The following ANO2 variants were observed in gnomAD, a reference collection of about 807,000 sequenced individuals.
ANO2 encodes the protein anoctamin-2.
A neutral mutation model predicts 124.2 loss-of-function variants in ANO2; 101 were observed. The observed-to-expected ratio is 0.81, with a 90% CI of 0.69 to 0.96. The LOEUF is 0.96. Among genes scored for constraint, ANO2 ranks in the 40% least tolerant of loss-of-function variants. The pLI is 0.00. For synonymous variants in ANO2, 486 were observed against 482.5 expected, an observed-to-expected ratio of 1.01 and a Z score of -0.09; for missense variants, 1,293 against 1,274.5, an observed-to-expected ratio of 1.01 and a Z score of -0.22.
rs143239619 is a variant in ANO2 at position 5,903,647 on chromosome 12, A to ATGTGTGTGTGTGTG, written c.534+17379_534+17392dup. 2.7e-3 allele frequency among the ~76,000 whole-genome samples: 394 copies of ATGTGTGTGTGTGTG among 148,542 alleles called. 5 individuals are homozygous for ATGTGTGTGTGTGTG. The highest frequency in any genetic ancestry group is 8.7e-3 in the African/African-American group (348 of 40,048). On this transcript the variant is annotated intron_variant, in intron 3 of 24. Coordinates refer to ENST00000682330, the MANE Select transcript of ANO2 (RefSeq NM_001364791.2). ...AGTAAGACAGCTAGGATGTGCAAAG[A>ATGTGTGTGTGTGTG]TGTGTGTGTGTGTGTGTGTGTGTGT...
At position 5,832,692 on chromosome 12, in the gene ANO2, T is replaced by C. The variant is rs563103041; in HGVS notation, c.634-89A>G. 723 of 1,378,812 alleles carry C rather than the reference T, an allele frequency of 5.2e-4. 1 individual carries two copies. The highest frequency in any genetic ancestry group is 8.0e-4 in the Admixed American group (34 of 42,620). The allele number at this position is 1,378,812 out of a possible 1,614,324, so 85.4% of individuals were successfully genotyped here. ...CAAAAAAAAGCTGCATGGACACAGA[T>C]TCCCAGAGGTGAACATTGGAGAGAG... On this transcript the variant is annotated intron_variant, in intron 4 of 24. Transcript: ENST00000682330.
intron 14 of ANO2, 24 bp downstream of exon 14, chr12:5,732,496 T>A: frequency 6.3e-7 from 1 of 1,589,436 alleles, no homozygotes; most frequent in Non-Finnish European, 8.6e-7. Context: ...AAGAGGACCG[T>A]GAGCAGCAAG....
intron 1 of ANO2, among the ~76,000 whole-genome samples, chr12:5,934,878 C>A (rs1942582407): frequency 6.6e-6 from 1 of 152,096 alleles, no homozygotes; most frequent in Non-Finnish European, 1.5e-5. Context: ...TCTCATCTCT[C>A]CAAAGTAGGA....
intron 23 of ANO2, among the ~76,000 whole-genome samples, chr12:5,573,405 G>A (rs1398997842): frequency 6.6e-6 from 1 of 152,232 alleles, no homozygotes; most frequent in Admixed American, 6.5e-5. Context: ...CACACGACAA[G>A]TCACACTGGT....
chr12:5,589,882 A>G (rs10492184), intron 20 of ANO2, among the ~76,000 whole-genome samples: 28,157 of 151,934 alleles, frequency 0.19, 3,214 homozygotes, highest in East Asian at 0.33. Flanking sequence ...GGATTAAATA[A>G]ACGAGAAGGA....
At position 5,906,362 on chromosome 12, in the gene ANO2, AAGAAAAAG is replaced by A. The variant is rs1358364029; in HGVS notation, c.534+14670_534+14677del. On this transcript the variant is annotated intron_variant, in intron 3 of 24. Coordinates refer to ENST00000682330, the MANE Select transcript of ANO2 (RefSeq NM_001364791.2). ...CACACATTGTTAAAAAAAAAAAAAA[AAGAAAAAG>A]AAAAAAAGAGGCCATCCATGGTGAC... 5.5e-4 allele frequency among the ~76,000 whole-genome samples: 82 copies of A among 149,106 alleles called. 1 individual carries two copies. Among genetic ancestry groups the A allele is most frequent in the African/African-American group, 2.0e-3 (79 of 39,224 alleles).
intron 4 of ANO2, among the ~76,000 whole-genome samples, chr12:5,848,462 A>G (rs890580250): frequency 2.6e-5 from 4 of 151,960 alleles, no homozygotes; most frequent in Non-Finnish European, 5.9e-5. Flanking sequence ...AGACTAAGAC[A>G]TGAATCAAGT....
intron 14 of ANO2, among the ~76,000 whole-genome samples, chr12:5,669,101 A>C (rs1947870090): frequency 6.6e-6 from 1 of 152,066 alleles, no homozygotes; most frequent in African/African-American, 2.4e-5. Flanking sequence ...ATGGTAGCTT[A>C]ATGAGAATAG....
rs999314918 is a variant in ANO2 at position 5,783,859 on chromosome 12, C to T, written c.1055+15648G>A. ...AGGGCTCCAGCCTGTGCCCCACTTC[C>T]GCAAGGCCCTGCTTTGCACTGGCTA... On this transcript the variant is annotated intron_variant, in intron 10 of 24. Coordinates refer to ENST00000682330, the MANE Select transcript of ANO2 (RefSeq NM_001364791.2). Among the ~76,000 whole-genome samples the T allele has an allele frequency of 5.3e-5, 8 of 152,192 alleles. No individual in the cohort carries two copies. In the East Asian group the frequency reaches 7.7e-4, roughly 15 times the overall value.
intron 14 of ANO2, among the ~76,000 whole-genome samples, chr12:5,701,036 A>G (rs1358807195): frequency 1.6e-5 from 1 of 63,638 alleles, no homozygotes; most frequent in East Asian, 1.2e-3. Context: ...CTGATGTAGC[A>G]TTAAACCAAC....
Position 5,922,816 on chromosome 12 carries a change from A to G in ANO2, c.23-12T>C. On this transcript the variant is annotated splice_polypyrimidine_tract_variant and intron_variant, in intron 1 of 24. Transcript: ENST00000682330. ...GAGCAGGGGTATATCTGTGAGAGGG[A>G]AAGACAAGGGAGGCAAAACAGCCTC... The G allele has an allele frequency of 1.3e-6, 2 of 1,482,200 alleles. No individual in the cohort carries two copies. The highest frequency in any genetic ancestry group is 1.4e-5 in the South Asian group (1 of 72,258). The allele number at this position is 1,482,200 out of a possible 1,614,324, so 91.8% of individuals were successfully genotyped here. A position where few individuals can be genotyped will look rare whatever the true frequency, so the allele number is the denominator to read the frequency against.
At chr12:5,565,042 A>C (rs1437426477) in intron 24 of ANO2, among the ~76,000 whole-genome samples, 1 of 152,096 alleles carries the variant, frequency 6.6e-6, no homozygotes, top group Non-Finnish European at 1.5e-5. Flanking sequence ...GATAGGAATC[A>C]CTGGGCTCGA....
intron 14 of ANO2, among the ~76,000 whole-genome samples, chr12:5,677,809 T>C (rs1948313969): frequency 6.6e-6 from 1 of 152,090 alleles, no homozygotes; most frequent in African/African-American, 2.4e-5. Context: ...CAATGGAAAA[T>C]AGGGCCCTCT....
At chr12:5,941,094 TA>T (rs994555557) in intron 1 of ANO2, among the ~76,000 whole-genome samples, 2 of 152,118 alleles carry the variant, frequency 1.3e-5, no homozygotes, top group African/African-American at 2.4e-5. Context: ...TGCCAAGGGC[TA>T]GGGGGAGGGA....
At chr12:5,687,909 C>T (rs1263705757) in intron 14 of ANO2, among the ~76,000 whole-genome samples, 1 of 152,190 alleles carries the variant, frequency 6.6e-6, no homozygotes, top group Non-Finnish European at 1.5e-5. Context: ...ATGTCCCACA[C>T]TGGTTCCCTC....
rs554499412 is a variant in ANO2 at position 5,685,338 on chromosome 12, G to A, written c.1546-37537C>T. Reference sequence around the variant, plus strand: ...ATAAGACTCTTGGCATGGCCCCAGGGGTCTCCACGAGTCTCCATGGTGGGG... The same window carrying A: ...ATAAGACTCTTGGCATGGCCCCAGGAGTCTCCACGAGTCTCCATGGTGGGG... On this transcript the variant is annotated intron_variant, in intron 14 of 24. Coordinates refer to ENST00000682330, the MANE Select transcript of ANO2 (RefSeq NM_001364791.2). Among the ~76,000 whole-genome samples the A allele has an allele frequency of 6.6e-5, 10 of 152,258 alleles. No individual in the cohort carries two copies. In the South Asian group the frequency reaches 2.1e-3, roughly 32 times the overall value.
chr12:5,934,850 T>G (rs1942581463), intron 1 of ANO2, among the ~76,000 whole-genome samples: 1 of 152,162 alleles, frequency 6.6e-6, no homozygotes, highest in Non-Finnish European at 1.5e-5. Context: ...TAACCAAGAT[T>G]AAAGATATCA....
intron 3 of ANO2, among the ~76,000 whole-genome samples, chr12:5,879,484 G>A (rs1355682247): frequency 6.6e-6 from 1 of 152,186 alleles, no homozygotes; most frequent in Non-Finnish European, 1.5e-5. Flanking sequence ...TGAAGCACTA[G>A]GGTTACCAGG....
intron 1 of ANO2, among the ~76,000 whole-genome samples, chr12:5,937,884 A>C (rs1942720429): frequency 6.6e-6 from 1 of 151,912 alleles, no homozygotes; most frequent in African/African-American, 2.4e-5. Context: ...TGTGCTTCTT[A>C]CTCCTAAAAC....
Sources: allele counts gnomAD v4.1 joint callset (sites outside exome capture counted in the v4.1 genomes callset), GRCh38; gene constraint gnomAD v4.1.1; transcripts MANE v1.5; gene names NCBI Gene and HGNC (gene_info 2026-07-23, HGNC 2026-07-21).